WHAMM: variants seen among roughly 807,000 people sequenced by gnomAD.
WHAMM encodes WASP homolog-associated protein with actin, membranes and microtubules.
In WHAMM, 67 loss-of-function variants were observed where a neutral mutation model predicts 76.5. The observed-to-expected ratio is 0.88, with a 90% CI of 0.72 to 1.07. WHAMM has a LOEUF of 1.07. WHAMM is among the 50% of genes least tolerant of loss of function. The probability of loss-of-function intolerance (pLI) is 0.00; values close to 1 mark genes in which losing one functional copy is unlikely to be tolerated. For synonymous variants in WHAMM, 419 were observed against 422.1 expected (o/e 0.99, Z 0.09); for missense variants, 1,021 against 1,051.1 (o/e 0.97, Z 0.40).
At position 82,820,896 on chromosome 15, in the gene WHAMM, C is replaced by CAAAAAAA. The variant is rs60974626; in HGVS notation, c.1270+1426_1270+1432dup. Among the ~76,000 whole-genome samples the CAAAAAAA allele has an allele frequency of 2.8e-3, 336 of 118,590 alleles. 2 individuals are homozygous for CAAAAAAA. Among genetic ancestry groups the CAAAAAAA allele is most frequent in the East Asian group, 4.0e-3 (15 of 3,736 alleles). The allele number at this position is 118,590 out of a possible 152,430, so 77.8% of individuals were successfully genotyped here. A position where few individuals can be genotyped will look rare whatever the true frequency, so the allele number is the denominator to read the frequency against. On this transcript the variant is annotated intron_variant, in intron 5 of 9. Transcript: ENST00000286760. ...GGCGGCAGAGTGTAAGACTCTGTCT[C>CAAAAAAA]AAAAAAAAAAAAAAAAAAAAAAAAG...
intron 2 of WHAMM, among the ~76,000 whole-genome samples, chr15:82,814,576 G>A (rs557875510): frequency 6.6e-6 from 1 of 151,566 alleles, no homozygotes; most frequent in East Asian, 2.0e-4. Context: ...TCAGCCTCCC[G>A]AGTAGCTGGG....
rs149077641 is a variant in WHAMM, at chr15:82,825,550, A to C, written c.1459-860A>C. On this transcript the variant is annotated intron_variant, in intron 6 of 9. Coordinates refer to ENST00000286760, the MANE Select transcript of WHAMM (RefSeq NM_001080435.3). The stretch of plus-strand genomic sequence containing the variant: ...GAGGTGAGCTATCAACTTGGGTTCA[A>C]ATCACAGCTTGGCCACTTAGGTAGC... Among the ~76,000 whole-genome samples, 161 of 152,262 alleles carry C rather than the reference A, an allele frequency of 1.1e-3. 2 individuals carry two copies. The highest frequency in any genetic ancestry group is 3.7e-3 in the South Asian group (18 of 4,830).
rs754906676 is a variant in WHAMM at position 82,833,435 on chromosome 15, C to T, written c.2329C>T (p.Leu777Phe). 1 of 1,613,916 alleles carries T rather than the reference C, an allele frequency of 6.2e-7. No homozygotes were observed. The highest frequency in any genetic ancestry group is 8.5e-7 in the Non-Finnish European group (1 of 1,179,914). Residue 777 changes from leucine to phenylalanine, a missense_variant, in exon 10 of 10, where the codon CTT (leucine) becomes TTT (phenylalanine). Coordinates refer to ENST00000286760, the MANE Select transcript of WHAMM (RefSeq NM_001080435.3). ...KPTSNRRTSD[L>F]ERSIKAALQR... ...AACCAGCAACAGACGCACCAGTGACCTTGAGAGGAGCATCAAGGCTGCGCT... is the reference window on the plus strand; with the variant it reads ...AACCAGCAACAGACGCACCAGTGACTTTGAGAGGAGCATCAAGGCTGCGCT...
chr15:82,832,684 G>A lies in WHAMM; in HGVS notation c.2123-545G>A, dbSNP rs187092666. Among the ~76,000 whole-genome samples the A allele has an allele frequency of 1.1e-4, 16 of 152,324 alleles. No homozygotes were observed. In the East Asian group the frequency reaches 3.1e-3, roughly 29 times the overall value. On this transcript the variant is annotated intron_variant, in intron 9 of 9. Transcript: ENST00000286760. ...GCGGTTCATTGAGTTGCCGGTTAAA[G>A]TTTTATTTTAAGCCTTTTCATGTGT...
rs552093493 is a variant in WHAMM at position 82,812,846 on chromosome 15, TAAAC to T, written c.610-254_610-251del. ...GCCTGGACAAAAGTCTCCATATTAT[TAAAC>T]AATCTTCAGAAGCACAGTGCTGAAT... is the stretch of plus-strand genomic sequence containing the variant. On this transcript the variant is annotated intron_variant, in intron 1 of 9. Transcript: ENST00000286760. Among the ~76,000 whole-genome samples, 3 of 152,320 alleles carry T rather than the reference TAAAC, an allele frequency of 2.0e-5. No individual in the cohort carries two copies. In the South Asian group the frequency reaches 6.2e-4, roughly 32 times the overall value.
intron 8 of WHAMM, among the ~76,000 whole-genome samples, chr15:82,828,174 G>A (rs2050967709): frequency 6.6e-6 from 1 of 152,136 alleles, no homozygotes; most frequent in South Asian, 2.1e-4. Flanking sequence ...CTTAGTTCTT[G>A]AAACAGCCTT....
At chr15:82,827,075 G>A (rs2050948647) in intron 8 of WHAMM, among the ~76,000 whole-genome samples, 1 of 152,134 alleles carries the variant, frequency 6.6e-6, no homozygotes, top group African/African-American at 2.4e-5. Flanking sequence ...AACACGCTTG[G>A]GTTCCTGCTC....
chr15:82,810,044 G>A lies in WHAMM; in HGVS notation c.318G>A (p.Pro106=), dbSNP rs2151553828. 2 of 1,220,718 alleles carry A rather than the reference G, an allele frequency of 1.6e-6. No individual in the cohort carries two copies. The highest frequency in any genetic ancestry group is 2.0e-6 in the Non-Finnish European group (2 of 984,078). The allele number at this position is 1,220,718 out of a possible 1,614,324, so 75.6% of individuals were successfully genotyped here. ...GGCCGCCTCTGGAGCGCTGCTTCCC[G>A]CGGCTGCCGCCGGAGCTGGACGTGG... The part of the protein sequence containing the change: ...ALWPPLERCF[P]RLPPELDVGG... Residue 106 remains proline, a synonymous_variant, in exon 1 of 10, where the codon CCG becomes CCA. Coordinates refer to ENST00000286760, the MANE Select transcript of WHAMM (RefSeq NM_001080435.3).
chr15:82,826,870 C>CCCAG, intron 8 of WHAMM, 24 bp downstream of exon 8: 2 of 1,411,428 alleles, frequency 1.4e-6, no homozygotes, highest in Non-Finnish European at 9.3e-7. Context: ...ACAATCACCT[C>CCCAG]ATCTACACTT....
At chr15:82,810,543 A>G in intron 1 of WHAMM, 1 of 985,462 alleles carries the variant, frequency 1.0e-6, no homozygotes, top group Non-Finnish European at 1.2e-6. Context: ...AGAGAGGACA[A>G]GCGAAGTTAG....
Position 82,809,999 on chromosome 15 carries a change from C to A in WHAMM, c.273C>A (p.His91Gln), listed in dbSNP as rs1364096710. Residue 91 changes from histidine (H) to glutamine (Q), a missense_variant, in exon 1 of 10, where the codon CAC (histidine) becomes CAA (glutamine). By Grantham distance (24) the His-to-Gln change is conservative (BLOSUM62 0). Transcript: ENST00000286760. ...LLSAAGLRGAHRQLAALWPPL... is the reference protein window; with the variant it reads ...LLSAAGLRGAQRQLAALWPPL... ...CGGCCGCGGGGCTCCGCGGCGCGCA[C>A]CGGCAGTTGGCGGCGCTGTGGCCGC... The A allele has an allele frequency of 1.8e-5, 23 of 1,271,290 alleles. No homozygotes were observed. In the East Asian group the frequency reaches 7.5e-4, roughly 41 times the overall value. The allele number at this position is 1,271,290 out of a possible 1,614,324, so 78.8% of individuals were successfully genotyped here.
chr15:82,824,599 G>C (rs1208213566), intron 6 of WHAMM, among the ~76,000 whole-genome samples: 8 of 152,154 alleles, frequency 5.3e-5, no homozygotes, highest in African/African-American at 1.9e-4. Flanking sequence ...GGGATTACGG[G>C]CATGAGTCAC....
chr15:82,826,401 T>C lies in WHAMM; in HGVS notation c.1459-9T>C, dbSNP rs1462093386. 1 of 1,613,774 alleles carries C rather than the reference T, an allele frequency of 6.2e-7. No individual in the cohort carries two copies. Among genetic ancestry groups the C allele is most frequent in the Non-Finnish European group, 8.5e-7 (1 of 1,179,786 alleles). Reference sequence around the variant, plus strand: ...AAAACCATGTAGGTGATTTGTATTATTCCACCAGGATCAGTGCAAAGAAAA... The same window carrying C: ...AAAACCATGTAGGTGATTTGTATTACTCCACCAGGATCAGTGCAAAGAAAA... On this transcript the variant is annotated splice_polypyrimidine_tract_variant and intron_variant, in intron 6 of 9. Transcript: ENST00000286760.
At chr15:82,817,815 G>C in intron 3 of WHAMM, 105 bp from the exon 4 acceptor site, 4 of 875,040 alleles carry the variant, frequency 4.6e-6, no homozygotes, top group Non-Finnish European at 6.3e-6. Flanking sequence ...TTTTAAAAAG[G>C]ATATTCTGCA....
At chr15:82,826,221 A>G (rs192392217) in intron 6 of WHAMM, among the ~76,000 whole-genome samples, 189 bp from the exon 7 acceptor site, 11 of 152,298 alleles carry the variant, frequency 7.2e-5, no homozygotes, top group Admixed American at 7.2e-4. Context: ...GGAACAAATT[A>G]TTTCCATAAG....
chr15:82,814,717 G>C (rs933900807), intron 2 of WHAMM, among the ~76,000 whole-genome samples: 3 of 150,366 alleles, frequency 2.0e-5, no homozygotes, highest in Non-Finnish European at 4.4e-5. Flanking sequence ...CTCCCAAAGT[G>C]CTGGGATTGC....
chr15:82,817,943 G>A lies in WHAMM; in HGVS notation c.958G>A (p.Asp320Asn), dbSNP rs1226212388. The change falls in exon 4 of 10, where the codon GAT becomes AAT. Residue 320 changes from aspartate to asparagine, a missense_variant. By Grantham distance (23) the Asp-to-Asn change is conservative. Transcript: ENST00000286760. ...LAGMQKEMEQ[D>N]AKRFGQAAWA... The stretch of plus-strand genomic sequence containing the variant: ...AGGAATGCAGAAAGAAATGGAACAG[G>A]ATGCGAAGAGATTTGGTCAGGCTGC... 2 of 1,543,722 alleles carry A rather than the reference G, an allele frequency of 1.3e-6. No homozygotes were observed. The highest frequency in any genetic ancestry group is 1.7e-6 in the Non-Finnish European group (2 of 1,143,824).
intron 3 of WHAMM, among the ~76,000 whole-genome samples, chr15:82,817,698 A>G (rs374436418): frequency 2.0e-5 from 3 of 152,238 alleles, no homozygotes; most frequent in East Asian, 3.8e-4. Flanking sequence ...AGTTGCCTCA[A>G]CTAGGTGAGA....
At position 82,816,706 on chromosome 15, in the gene WHAMM, G is replaced by C; in HGVS notation, c.798G>C (p.Glu266Asp). The C allele has an allele frequency of 3.2e-6, 5 of 1,554,394 alleles. No individual in the cohort carries two copies. The highest frequency in any genetic ancestry group is 4.4e-6 in the Non-Finnish European group (5 of 1,148,324). Residue 266 changes from glutamate to aspartate, a missense_variant, in exon 3 of 10, where the codon GAG becomes GAC. By Grantham distance (45) the Glu-to-Asp change is conservative. Coordinates refer to ENST00000286760, the MANE Select transcript of WHAMM (RefSeq NM_001080435.3). Reference protein sequence around the residue: ...CKLDILKSLDEDDLGPRRVVA... With the variant: ...CKLDILKSLDDDDLGPRRVVA... The stretch of plus-strand genomic sequence containing the variant: ...TCTGTCTGTAGAAGTCTTTGGATGA[G>C]GATGACCTAGGTCCTAGAAGGGTAG...
Sources: allele counts gnomAD v4.1 joint callset (sites outside exome capture counted in the v4.1 genomes callset), GRCh38; gene constraint gnomAD v4.1.1; transcripts MANE v1.5; gene names NCBI Gene and HGNC (gene_info 2026-07-23, HGNC 2026-07-21).